CYP39A1: variants seen among roughly 807,000 people sequenced by gnomAD.
CYP39A1 encodes the protein cytochrome P450 family 39 subfamily A member 1.
CYP39A1 carries 49 observed loss-of-function variants against 58.1 expected under a neutral mutation model. That is an observed-to-expected ratio of 0.84 (90% CI 0.67 to 1.07). The LOEUF (loss-of-function observed/expected upper bound fraction) is 1.07. Among genes scored for constraint, CYP39A1 ranks in the 50% least tolerant of loss-of-function variants. CYP39A1 has a pLI of 0.00. For synonymous variants in CYP39A1, 209 were observed against 187.6 expected (o/e 1.11, Z -0.93); for missense variants, 531 against 539.4 (o/e 0.98, Z 0.16).
At chr6:46,635,205 T>G (rs551662927) in intron 5 of CYP39A1, among the ~76,000 whole-genome samples, 6 of 152,250 alleles carry the variant, frequency 3.9e-5, no homozygotes, top group African/African-American at 1.4e-4. Context: ...GTTTGAAGAG[T>G]TTTTTTAAAT....
chr6:46,615,729 T>C (rs1434908469), intron 7 of CYP39A1, among the ~76,000 whole-genome samples: 1 of 148,826 alleles, frequency 6.7e-6, no homozygotes, highest in Non-Finnish European at 1.5e-5. Context: ...CATTCTCCTC[T>C]GGAATAAAAA....
chr6:46,557,362 T>C (rs1770713504), intron 10 of CYP39A1, among the ~76,000 whole-genome samples: 1 of 151,604 alleles, frequency 6.6e-6, no homozygotes, highest in African/African-American at 2.4e-5. Context: ...TCATGCCGAC[T>C]GGGTGCAGTG....
chr6:46,631,140 T>G (rs1262549497), intron 5 of CYP39A1, 70 bp from the exon 6 acceptor site: 6 of 1,203,866 alleles, frequency 5.0e-6, no homozygotes, highest in Non-Finnish European at 7.3e-6. Flanking sequence ...AAACAAGAGA[T>G]CATGCCTTTT....
chr6:46,607,215 A>G (rs534035759), intron 7 of CYP39A1, among the ~76,000 whole-genome samples: 1 of 152,158 alleles, frequency 6.6e-6, no homozygotes, highest in South Asian at 2.1e-4. Context: ...AAATACCTGG[A>G]TATAAATATC....
rs78140198 is a variant in CYP39A1 at position 46,649,830 on chromosome 6, C to A, written c.177+2576G>T. On this transcript the variant is annotated intron_variant, in intron 1 of 11. Coordinates refer to ENST00000275016, the MANE Select transcript of CYP39A1 (RefSeq NM_016593.5). ...GAACCGTATAAATGCATGATCTATT[C>A]AAAGATTAAATAAAAATAATGGGAA... 1.8e-3 allele frequency among the ~76,000 whole-genome samples: 281 copies of A among 152,208 alleles called. 1 individual carries two copies. The highest frequency in any genetic ancestry group is 6.4e-3 in the African/African-American group (266 of 41,524).
intron 10 of CYP39A1, among the ~76,000 whole-genome samples, chr6:46,583,916 T>C (rs1772304415): frequency 6.6e-6 from 1 of 152,152 alleles, no homozygotes; most frequent in Admixed American, 6.5e-5. Context: ...TGAACTTTGA[T>C]CATCAGCCAT....
chr6:46,590,347 T>C (rs1340763550), intron 8 of CYP39A1, among the ~76,000 whole-genome samples: 1 of 152,110 alleles, frequency 6.6e-6, no homozygotes, highest in Non-Finnish European at 1.5e-5. Context: ...AGTGGGGCTT[T>C]CTTTAAAAAA....
intron 9 of CYP39A1, among the ~76,000 whole-genome samples, chr6:46,587,624 C>T (rs1261561866): frequency 2.0e-5 from 3 of 152,106 alleles, no homozygotes; most frequent in African/African-American, 4.8e-5. Flanking sequence ...ACATTCTGTT[C>T]GGCCCTGTAA....
At chr6:46,550,702 G>A (rs533219225) in intron 11 of CYP39A1, among the ~76,000 whole-genome samples, 2 of 152,206 alleles carry the variant, frequency 1.3e-5, no homozygotes, top group African/African-American at 4.8e-5. Flanking sequence ...GCCACCCTTC[G>A]CTTTATCTGG....
At chr6:46,587,289 T>C (rs1772528370) in intron 9 of CYP39A1, 124 bp from the exon 10 acceptor site, 2 of 697,036 alleles carry the variant, frequency 2.9e-6, no homozygotes, top group African/African-American at 1.8e-5. Flanking sequence ...GGGTTGTTGG[T>C]AATTTTTTCC....
intron 10 of CYP39A1, among the ~76,000 whole-genome samples, chr6:46,585,407 A>T (rs967020762): frequency 6.6e-6 from 1 of 152,282 alleles, no homozygotes. Context: ...ACCTGAAAAA[A>T]GTAGCATCTA....
intron 3 of CYP39A1, 50 bp downstream of exon 3, chr6:46,639,444 T>G: frequency 6.3e-7 from 1 of 1,575,334 alleles, no homozygotes; most frequent in South Asian, 1.2e-5. Context: ...TTTCAATTTT[T>G]TTATTTAAAA....
chr6:46,574,388 C>G (rs937998384), intron 10 of CYP39A1, among the ~76,000 whole-genome samples: 5 of 152,154 alleles, frequency 3.3e-5, no homozygotes, highest in Non-Finnish European at 5.9e-5. Flanking sequence ...AGTGTTCCAT[C>G]TCTACAGAGC....
chr6:46,631,105 CTA>C lies in CYP39A1; in HGVS notation c.733-37_733-36del, dbSNP rs145572698. ...AGAAATAAACATTGCCAAACCATGG[CTA>C]TGTGACAAATATCGATGTTAATAAA... On this transcript the variant is annotated intron_variant, in intron 5 of 11. Coordinates refer to ENST00000275016, the MANE Select transcript of CYP39A1 (RefSeq NM_016593.5). 5.9e-3 allele frequency: 8,571 copies of C among 1,454,222 alleles called. 301 individuals carry two copies. In the African/African-American group the frequency reaches 0.088, roughly 15 times the overall value. The allele number at this position is 1,454,222 out of a possible 1,614,324, so 90.1% of individuals were successfully genotyped here.
intron 10 of CYP39A1, among the ~76,000 whole-genome samples, chr6:46,582,731 T>C (rs1341087677): frequency 6.6e-6 from 1 of 151,900 alleles, no homozygotes; most frequent in Non-Finnish European, 1.5e-5. Flanking sequence ...CCCAACCACA[T>C]TATAACCAAT....
intron 8 of CYP39A1, among the ~76,000 whole-genome samples, chr6:46,594,352 C>T (rs1192503574): frequency 1.3e-5 from 2 of 151,776 alleles, no homozygotes; most frequent in East Asian, 1.9e-4. Context: ...TATGAAACTA[C>T]AAAAGACCCT....
At chr6:46,602,685 G>A (rs1258190577) in intron 7 of CYP39A1, among the ~76,000 whole-genome samples, 3 of 81,822 alleles carry the variant, frequency 3.7e-5, no homozygotes, top group African/African-American at 1.0e-4. Context: ...GGTGGTGCAC[G>A]TCTCAAAAAA....
chr6:46,589,950 A>G (rs558828762), intron 8 of CYP39A1, among the ~76,000 whole-genome samples: 1 of 152,270 alleles, frequency 6.6e-6, no homozygotes, highest in East Asian at 1.9e-4. Flanking sequence ...GGAGAACTTC[A>G]TACAGGTCCT....
At chr6:46,645,022 T>C (rs903780680) in intron 1 of CYP39A1, among the ~76,000 whole-genome samples, 2 of 152,186 alleles carry the variant, frequency 1.3e-5, no homozygotes, top group Non-Finnish European at 2.9e-5. Context: ...CAGTTCTTTA[T>C]ATATTCTAGA....
Sources: allele counts gnomAD v4.1 joint callset (sites outside exome capture counted in the v4.1 genomes callset), GRCh38; gene constraint gnomAD v4.1.1; transcripts MANE v1.5; gene names NCBI Gene and HGNC (gene_info 2026-07-23, HGNC 2026-07-21).